STK39: variants seen among roughly 807,000 people sequenced by gnomAD.
The protein encoded by STK39 is STE20/SPS1-related proline-alanine-rich protein kinase.
A neutral mutation model predicts 77.8 loss-of-function variants in STK39; 20 were observed. The observed-to-expected ratio is 0.26, with a 90% CI of 0.18 to 0.37. The LOEUF (loss-of-function observed/expected upper bound fraction) is 0.37. Among genes scored for constraint, STK39 ranks in the 10% least tolerant of loss-of-function variants. The probability of loss-of-function intolerance (pLI) is 1.00; values close to 1 mark genes in which losing one functional copy is unlikely to be tolerated. For missense variants in STK39, 479 were observed against 656.5 expected, an observed-to-expected ratio of 0.73 and a Z score of 2.95; for synonymous variants, 246 against 234.1, an observed-to-expected ratio of 1.05 and a Z score of -0.47.
chr2:168,217,959 T>C (rs1242064668), intron 1 of STK39, among the ~76,000 whole-genome samples: 2 of 152,304 alleles, frequency 1.3e-5, no homozygotes, highest in South Asian at 2.1e-4. Context: ...CACGTCCATG[T>C]TATCATGATT....
At chr2:168,152,301 A>C (rs1015710648) in intron 5 of STK39, among the ~76,000 whole-genome samples, 1 of 152,238 alleles carries the variant, frequency 6.6e-6, no homozygotes, top group Non-Finnish European at 1.5e-5. Flanking sequence ...GCCACAGGAC[A>C]GAGGCTTGGC....
At chr2:168,129,234 G>A (rs1404310116) in intron 10 of STK39, among the ~76,000 whole-genome samples, 1 of 152,120 alleles carries the variant, frequency 6.6e-6, no homozygotes, top group Non-Finnish European at 1.5e-5. Context: ...AAGGAAAGAC[G>A]TTCAAGGATA....
chr2:168,119,380 T>C (rs1185759382), intron 10 of STK39, among the ~76,000 whole-genome samples: 1 of 152,200 alleles, frequency 6.6e-6, no homozygotes. Context: ...CACAAAATAC[T>C]GGAAGCTCTC....
At chr2:168,139,220 AAAGAAAGAAAATG>A (rs1161568393) in intron 7 of STK39, among the ~76,000 whole-genome samples, 1 of 152,156 alleles carries the variant, frequency 6.6e-6, no homozygotes, top group Admixed American at 6.5e-5. Flanking sequence ...AGAAGAGGCA[AAAGAAAGAAAATG>A]AAGAAAGAAA....
At position 167,955,363 on chromosome 2, in the gene STK39, CT is replaced by C; in HGVS notation, c.*132del. The C allele has an allele frequency of 2.4e-6, 2 of 837,298 alleles. No homozygotes were observed. Among genetic ancestry groups the C allele is most frequent in the Non-Finnish European group, 3.7e-6 (2 of 538,502 alleles). 51.9% of individuals were successfully genotyped at this position (837,298 alleles called of 1,614,324 possible). A position where few individuals can be genotyped will look rare whatever the true frequency, so the allele number is the denominator to read the frequency against. Reference sequence around the variant, plus strand: ...TATCCCATTTTGTTGAAGCCGGCCTCTTCACAATCTTCTGATTTTGCTAGGA... The same window carrying C: ...TATCCCATTTTGTTGAAGCCGGCCTCTCACAATCTTCTGATTTTGCTAGGA... On this transcript the variant is annotated 3_prime_UTR_variant, in exon 18 of 18. Coordinates refer to ENST00000355999, the MANE Select transcript of STK39 (RefSeq NM_013233.3).
intron 1 of STK39, among the ~76,000 whole-genome samples, chr2:168,191,493 A>G (rs950520087): frequency 6.6e-6 from 1 of 152,212 alleles, no homozygotes; most frequent in Non-Finnish European, 1.5e-5. Flanking sequence ...ATTTTTTCAA[A>G]GCCTCAGGAA....
intron 5 of STK39, among the ~76,000 whole-genome samples, chr2:168,150,098 C>T (rs772685152): frequency 9.2e-5 from 14 of 152,182 alleles, no homozygotes; most frequent in East Asian, 3.8e-4. Context: ...CTGACTTGAA[C>T]GCACATCGAA....
intron 14 of STK39, among the ~76,000 whole-genome samples, chr2:168,057,543 C>T (rs572708224): frequency 2.0e-5 from 3 of 151,670 alleles, no homozygotes; most frequent in Admixed American, 6.5e-5. Context: ...ATCACACGCA[C>T]GTGCACACAC....
intron 1 of STK39, among the ~76,000 whole-genome samples, chr2:168,192,033 G>A (rs1689352684): frequency 6.6e-6 from 1 of 152,116 alleles, no homozygotes; most frequent in Non-Finnish European, 1.5e-5. Context: ...GGCATCTCAG[G>A]GGGTGGCAGA....
chr2:168,115,580 T>C (rs374810753), intron 10 of STK39, among the ~76,000 whole-genome samples: 4 of 152,338 alleles, frequency 2.6e-5, no homozygotes, highest in Admixed American at 6.5e-5. Context: ...AAATTGATTC[T>C]TAATTATAGT....
At chr2:167,955,768 T>C (rs1041843784) in intron 17 of STK39, among the ~76,000 whole-genome samples, 198 bp from the exon 18 acceptor site, 8 of 152,192 alleles carry the variant, frequency 5.3e-5, no homozygotes, top group African/African-American at 1.9e-4. Context: ...GTGGCCATCA[T>C]GCTATGAAGT....
intron 1 of STK39, among the ~76,000 whole-genome samples, chr2:168,223,169 C>T (rs571728655): frequency 1.3e-5 from 2 of 152,076 alleles, no homozygotes; most frequent in Non-Finnish European, 2.9e-5. Flanking sequence ...GAGTTTCCTC[C>T]AATTGCCAAG....
chr2:168,079,976 T>A (rs1686184689), intron 10 of STK39, among the ~76,000 whole-genome samples: 2 of 152,124 alleles, frequency 1.3e-5, no homozygotes, highest in African/African-American at 4.8e-5. Context: ...CTAGGAGATG[T>A]AAGAGCAGGA....
chr2:168,016,531 G>A (rs1402811405), intron 15 of STK39, among the ~76,000 whole-genome samples: 3 of 151,944 alleles, frequency 2.0e-5, no homozygotes, highest in East Asian at 3.9e-4. Context: ...GGTAATAACC[G>A]CAGAGGGGGT....
chr2:168,115,607 C>A lies in STK39; in HGVS notation c.1089+13934G>T, dbSNP rs973415454. Among the ~76,000 whole-genome samples, 35 of 152,150 alleles carry A rather than the reference C, an allele frequency of 2.3e-4. 1 individual carries two copies. Among genetic ancestry groups the A allele is most frequent in the Non-Finnish European group, 2.9e-5 (2 of 68,024 alleles). ...AATTATAGTCATTCTTGCAGAATTTCATGCAGCCATTTGATTACGCTAATC... is the reference window on the plus strand; with the variant it reads ...AATTATAGTCATTCTTGCAGAATTTAATGCAGCCATTTGATTACGCTAATC... On this transcript the variant is annotated intron_variant, in intron 10 of 17. Coordinates refer to ENST00000355999, the MANE Select transcript of STK39 (RefSeq NM_013233.3).
In STK39 at chr2:168,206,514, C is replaced by T. The variant is rs117135094; in HGVS notation, c.209-24424G>A. Among the ~76,000 whole-genome samples, 11 of 152,276 alleles carry T rather than the reference C, an allele frequency of 7.2e-5. No individual in the cohort carries two copies. In the East Asian group the frequency reaches 1.2e-3, roughly 16 times the overall value. On this transcript the variant is annotated intron_variant, in intron 1 of 17. Transcript: ENST00000355999. ...ACGGGGTTTTGCCATGTTGGCCAGGCTGGTTCCAACTCCCGAGCTCAGGTG... is the reference window on the plus strand; with the variant it reads ...ACGGGGTTTTGCCATGTTGGCCAGGTTGGTTCCAACTCCCGAGCTCAGGTG...
At chr2:167,967,060 G>A (rs1007492946) in intron 16 of STK39, among the ~76,000 whole-genome samples, 10 of 152,154 alleles carry the variant, frequency 6.6e-5, no homozygotes, top group Non-Finnish European at 1.5e-5. Flanking sequence ...AGGAAGGGCT[G>A]GGTAGGGCTG....
intron 10 of STK39, among the ~76,000 whole-genome samples, chr2:168,087,480 G>A (rs572525999): frequency 1.3e-5 from 2 of 152,326 alleles, no homozygotes; most frequent in South Asian, 2.1e-4. Flanking sequence ...TAATCTGGGT[G>A]GGCCTGATTC....
At chr2:168,070,111 T>C (rs866201928) in intron 12 of STK39, among the ~76,000 whole-genome samples, 2 of 152,280 alleles carry the variant, frequency 1.3e-5, no homozygotes, top group African/African-American at 2.4e-5. Flanking sequence ...AAGTTTTATA[T>C]AACCTAAGAC....
Sources: gnomAD v4.1 joint callset for allele counts (sites outside exome capture counted in the v4.1 genomes callset) on GRCh38, gnomAD v4.1.1 for gene constraint, MANE v1.5 for transcripts, NCBI Gene and HGNC (gene_info 2026-07-23, HGNC 2026-07-21) for gene names.